HIVEP1: variants seen among roughly 807,000 people sequenced by gnomAD.
The protein encoded by HIVEP1 is zinc finger protein 40.
A neutral mutation model predicts 180.0 loss-of-function variants in HIVEP1; 36 were observed. The ratio of observed to expected loss-of-function variants is 0.20; its 90% CI spans 0.15 to 0.26. HIVEP1 has a LOEUF of 0.26. HIVEP1 is among the 10% of genes least tolerant of loss of function. The pLI is 1.00. For synonymous variants in HIVEP1, 1,239 were observed against 1,239.0 expected, an observed-to-expected ratio of 1.00 and a Z score of 0.00; for missense variants, 3,143 against 3,268.7, an observed-to-expected ratio of 0.96 and a Z score of 0.94.
chr6:12,101,919 T>C (rs538213762), intron 3 of HIVEP1, among the ~76,000 whole-genome samples: 1 of 138,218 alleles, frequency 7.2e-6, no homozygotes, highest in Admixed American at 7.1e-5. Flanking sequence ...AGATGTATCA[T>C]GCAAATAACA....
chr6:12,089,693 A>G (rs938783949), intron 3 of HIVEP1, among the ~76,000 whole-genome samples: 1 of 151,982 alleles, frequency 6.6e-6, no homozygotes, highest in Non-Finnish European at 1.5e-5. Flanking sequence ...TTTGTAGTAT[A>G]CTCATATTTT....
chr6:12,165,831 T>C (rs1351700649), downstream of HIVEP1, among the ~76,000 whole-genome samples: 1 of 152,178 alleles, frequency 6.6e-6, no homozygotes, highest in African/African-American at 2.4e-5. Flanking sequence ...ACTAAGGGGT[T>C]TGGAGACCTG....
At chr6:12,167,972 TATAC>T (rs1005123750), downstream of HIVEP1, among the ~76,000 whole-genome samples, 5 of 119,714 alleles carry the variant, frequency 4.2e-5, no homozygotes, top group Admixed American at 4.8e-4. Context: ...ATATATTATA[TATAC>T]ATGTACATGT....
Position 12,122,930 on chromosome 6 carries a change from A to G in HIVEP1, c.3135A>G (p.Gln1045=). ...TTGGGGATGATGAAGAACTTCAGCA[A>G]AATGAAAGTGGAACATCTCCAAAAA... ...KSVGDDEELQ[Q]NESGTSPKSS... is the part of the protein sequence containing the mutation. Residue 1045 remains glutamine, a synonymous_variant, in exon 4 of 9, where the codon CAA becomes CAG. Transcript: ENST00000379388. 6.2e-7 allele frequency: 1 copy of G among 1,613,982 alleles called. No homozygotes were observed. Among genetic ancestry groups the G allele is most frequent in the Non-Finnish European group, 8.5e-7 (1 of 1,179,960 alleles).
rs9394534 is a variant in HIVEP1, at chr6:12,094,470, T to G, written c.94+5233T>G. On this transcript the variant is annotated intron_variant, in intron 3 of 8. Coordinates refer to ENST00000379388, the MANE Select transcript of HIVEP1 (RefSeq NM_002114.4). Reference sequence around the variant, plus strand: ...TTTGTGGGAAGAGAGTCTGTATATTTTTTAGTTGCTTAAAGGTGTTATCTT... The same window carrying G: ...TTTGTGGGAAGAGAGTCTGTATATTGTTTAGTTGCTTAAAGGTGTTATCTT... Among the ~76,000 whole-genome samples the G allele has an allele frequency of 2.6e-4, 39 of 152,136 alleles. No homozygotes were observed. In the East Asian group the frequency reaches 5.0e-3, roughly 20 times the overall value.
intron 3 of HIVEP1, among the ~76,000 whole-genome samples, chr6:12,108,387 C>G (rs1042886314): frequency 1.3e-5 from 2 of 152,232 alleles, no homozygotes; most frequent in Non-Finnish European, 2.9e-5. Flanking sequence ...GCACTGCGCC[C>G]GCACTCTTCA....
intron 1 of HIVEP1, among the ~76,000 whole-genome samples, chr6:12,013,782 G>C (rs1048169175): frequency 3.3e-5 from 5 of 151,928 alleles, no homozygotes; most frequent in Non-Finnish European, 5.9e-5. Flanking sequence ...ATCTTTTATA[G>C]ATCACTTAGC....
chr6:12,059,257 C>G (rs912835313), intron 2 of HIVEP1, among the ~76,000 whole-genome samples: 3 of 152,150 alleles, frequency 2.0e-5, no homozygotes, highest in Admixed American at 1.3e-4. Context: ...AGGCTGGTCT[C>G]CAACTCCTGA....
At chr6:12,076,126 G>A (rs576652856) in intron 2 of HIVEP1, among the ~76,000 whole-genome samples, 1 of 152,100 alleles carries the variant, frequency 6.6e-6, no homozygotes, top group African/African-American at 2.4e-5. Context: ...ATTGGTCTTT[G>A]TTTTTTCAAA....
chr6:12,130,450 A>T (rs9470969), intron 5 of HIVEP1, among the ~76,000 whole-genome samples: 6,135 of 152,178 alleles, frequency 0.04, 406 homozygotes, highest in African/African-American at 0.14. Flanking sequence ...AGGCGGGAGG[A>T]TCATGTGAGC....
chr6:12,166,030 C>G (rs906422689), downstream of HIVEP1, among the ~76,000 whole-genome samples: 45 of 152,300 alleles, frequency 3.0e-4, no homozygotes, highest in African/African-American at 1.0e-3. Flanking sequence ...ACAAAATTCT[C>G]TCAAAAACAA....
chr6:12,129,363 T>C (rs9357299), intron 4 of HIVEP1, among the ~76,000 whole-genome samples: 39,561 of 152,164 alleles, frequency 0.26, 6,212 homozygotes, highest in Non-Finnish European at 0.35. Context: ...AGTAGCTAGC[T>C]CTTTTCCATC....
chr6:12,159,287 G>A (rs974701737), intron 7 of HIVEP1, among the ~76,000 whole-genome samples: 9 of 152,050 alleles, frequency 5.9e-5, no homozygotes, highest in African/African-American at 2.2e-4. Flanking sequence ...TACAGCAAGA[G>A]CAGCCTTGAA....
chr6:12,161,730 T>A lies in HIVEP1; in HGVS notation c.6779T>A (p.Leu2260Gln), dbSNP rs1760415077. 2 of 1,614,078 alleles carry A rather than the reference T, an allele frequency of 1.2e-6. No homozygotes were observed. Among genetic ancestry groups the A allele is most frequent in the Non-Finnish European group, 1.7e-6 (2 of 1,180,028 alleles). ...PRALLTRMTV[L>Q]STAQSDYNRK... ...GCGCTGCTCACCAGAATGACTGTCC[T>A]GAGCACAGCACAGTCTGACTACAAT... Residue 2260 changes from leucine to glutamine, a missense_variant, in exon 8 of 9, where the codon CTG (leucine) becomes CAG (glutamine). By Grantham distance (113) the Leu-to-Gln change is moderately radical. Around this residue, in one of 12 missense-constraint regions of HIVEP1, gnomAD observed 595 missense variants for 602.2 expected, o/e 0.99. Coordinates refer to ENST00000379388, the MANE Select transcript of HIVEP1 (RefSeq NM_002114.4).
At chr6:12,041,867 G>GT (rs1769750205) in intron 2 of HIVEP1, among the ~76,000 whole-genome samples, 1 of 151,886 alleles carries the variant, frequency 6.6e-6, no homozygotes, top group Non-Finnish European at 1.5e-5. Flanking sequence ...CACCGTGTTA[G>GT]CTAGGATGGT....
intron 2 of HIVEP1, among the ~76,000 whole-genome samples, chr6:12,040,264 G>A (rs1317289773): frequency 6.6e-6 from 1 of 152,070 alleles, no homozygotes; most frequent in African/African-American, 2.4e-5. Flanking sequence ...TCCACCAGGT[G>A]GTGCAAATCT....
At chr6:12,073,957 AC>A (rs1772158967) in intron 2 of HIVEP1, among the ~76,000 whole-genome samples, 2 of 151,734 alleles carry the variant, frequency 1.3e-5, no homozygotes, top group Admixed American at 1.3e-4. Context: ...TGCACCACAC[AC>A]TCCCCACCTC....
chr6:12,072,721 C>T (rs577500450), intron 2 of HIVEP1, among the ~76,000 whole-genome samples: 7 of 152,264 alleles, frequency 4.6e-5, no homozygotes, highest in South Asian at 2.1e-4. Context: ...CCTTTCCTAA[C>T]GGCAGTGCCC....
chr6:12,131,950 T>C (rs1758446753), intron 6 of HIVEP1, among the ~76,000 whole-genome samples: 1 of 152,174 alleles, frequency 6.6e-6, no homozygotes, highest in Non-Finnish European at 1.5e-5. Context: ...CTAGTATTTA[T>C]GGGCATTTAA....
Sources: gnomAD v4.1 joint callset for allele counts (sites outside exome capture counted in the v4.1 genomes callset) on GRCh38, gnomAD v4.1.1 for gene constraint, gnomAD v4.1.1 regional missense constraint, MANE v1.5 for transcripts, NCBI Gene and HGNC (gene_info 2026-07-23, HGNC 2026-07-21) for gene names.